The following SULF2 variants were observed in gnomAD, a reference collection of about 807,000 sequenced individuals.
SULF2 encodes the protein sulfatase 2, also known as extracellular sulfatase Sulf-2.
A neutral mutation model predicts 107.7 loss-of-function variants in SULF2; 52 were observed. The ratio of observed to expected loss-of-function variants is 0.48; its 90% CI spans 0.39 to 0.61. The LOEUF (loss-of-function observed/expected upper bound fraction) is 0.61, where lower values mean the gene tolerates loss of function less well. Ranked by LOEUF, SULF2 falls within the 20% of genes least tolerant of loss-of-function variation. The pLI is 0.00. For missense variants in SULF2, 993 were observed against 1,177.3 expected (o/e 0.84, Z 2.29); for synonymous variants, 460 against 464.3 (o/e 0.99, Z 0.12).
At position 47,658,237 on chromosome 20, in the gene SULF2, G is replaced by T. The variant is rs1258401957; in HGVS notation, c.*125C>A. On this transcript the variant is annotated 3_prime_UTR_variant, in exon 21 of 21. Coordinates refer to ENST00000688720, the MANE Select transcript of SULF2 (RefSeq NM_001387048.1). The stretch of plus-strand genomic sequence containing the variant: ...AATCTGTCATGTTGACTGAGAGTGC[G>T]TGCTTGCTTTCTCAGGCCTCCTGGC... 4.2e-6 allele frequency: 4 copies of T among 942,482 alleles called. No homozygotes were observed. In the East Asian group the frequency reaches 9.6e-5, roughly 23 times the overall value. 58.4% of individuals were successfully genotyped at this position (942,482 alleles called of 1,614,324 possible). A position where few individuals can be genotyped will look rare whatever the true frequency, so the allele number is the denominator to read the frequency against.
intron 3 of SULF2, among the ~76,000 whole-genome samples, chr20:47,713,094 T>C (rs186671802): frequency 5.9e-5 from 9 of 152,226 alleles, no homozygotes; most frequent in Non-Finnish European, 1.0e-4. Flanking sequence ...TTATAGTGTC[T>C]GCAGCACAGT....
Position 47,666,092 on chromosome 20 carries a change from G to A in SULF2, c.1806-139C>T, listed in dbSNP as rs1205125303. 6.8e-6 allele frequency: 11 copies of A among 1,609,798 alleles called. No individual in the cohort carries two copies. Among genetic ancestry groups the A allele is most frequent in the South Asian group, 1.1e-5 (1 of 90,862 alleles). ...GACTTCCACCTGGACACTCACCGATGTGTCACTTTAATGGGGTTGGCGGCT... is the reference window on the plus strand; with the variant it reads ...GACTTCCACCTGGACACTCACCGATATGTCACTTTAATGGGGTTGGCGGCT... On this transcript the variant is annotated intron_variant, in intron 12 of 20. Transcript: ENST00000688720. This position sits in a 1 kb window ranked among gnomAD's most constrained non-coding sequence, Gnocchi z 5.4.
chr20:47,661,586 C>A, intron 18 of SULF2, 187 bp downstream of exon 18: 1 of 458,364 alleles, frequency 2.2e-6, no homozygotes, highest in East Asian at 3.5e-5. Flanking sequence ...GTTCCTCTCT[C>A]AGGAATCACA....
At position 47,666,617 on chromosome 20, in the gene SULF2, A is replaced by AGGGGTCGTGGAATCTACCC; in HGVS notation, c.1577-148_1577-130dup. The AGGGGTCGTGGAATCTACCC allele has an allele frequency of 1.4e-6, 1 of 736,290 alleles. No homozygotes were observed. Among genetic ancestry groups the AGGGGTCGTGGAATCTACCC allele is most frequent in the Non-Finnish European group, 2.2e-6 (1 of 450,842 alleles). The allele number at this position is 736,290 out of a possible 1,614,324, so 45.6% of individuals were successfully genotyped here. On this transcript the variant is annotated intron_variant, in intron 11 of 20. Coordinates refer to ENST00000688720, the MANE Select transcript of SULF2 (RefSeq NM_001387048.1). The surrounding 1 kb of genome is among the most constrained non-coding windows in gnomAD (Gnocchi z 5.4). ...GAGGCTCAGCTTTGCCTGCGACTCG[A>AGGGGTCGTGGAATCTACCC]GGGGTCGTGGAATCTACCCGCCTGC...
intron 3 of SULF2, among the ~76,000 whole-genome samples, chr20:47,708,562 A>AT (rs1294046110): frequency 2.6e-5 from 4 of 152,202 alleles, no homozygotes; most frequent in Non-Finnish European, 5.9e-5. Flanking sequence ...ATCACAAGTC[A>AT]TTTAAGAAGC....
At position 47,665,904 on chromosome 20, in the gene SULF2, T is replaced by G. The variant is rs1409120262; in HGVS notation, c.1855A>C (p.Lys619Gln). The change falls in exon 13 of 21, where the codon AAG becomes CAG. Residue 619 changes from lysine (K) to glutamine (Q), a missense_variant. Lys to Gln is a moderately conservative substitution (Grantham distance 53, BLOSUM62 1). Transcript: ENST00000688720. ...TGGTCTTTCCAGGCCTGCAGGGACTTGTACAGGTCCAGGTCACACTGGACT... is the reference window on the plus strand; with the variant it reads ...TGGTCTTTCCAGGCCTGCAGGGACTGGTACAGGTCCAGGTCACACTGGACT... ...DTVQCDLDLY[K>Q]SLQAWKDHKL... 6.2e-7 allele frequency: 1 copy of G among 1,613,964 alleles called. No homozygotes were observed. The highest frequency in any genetic ancestry group is 8.5e-7 in the Non-Finnish European group (1 of 1,180,028).
chr20:47,702,015 C>G (rs1244737239), intron 4 of SULF2, among the ~76,000 whole-genome samples: 6 of 152,168 alleles, frequency 3.9e-5, no homozygotes, highest in Non-Finnish European at 8.8e-5. Flanking sequence ...GTTAAAAAAC[C>G]AAACTCTTGG....
chr20:47,702,857 A>G (rs753521211), intron 3 of SULF2, among the ~76,000 whole-genome samples, 187 bp from the exon 4 acceptor site: 1 of 152,238 alleles, frequency 6.6e-6, no homozygotes, highest in Non-Finnish European at 1.5e-5. Flanking sequence ...TTACAGAGAA[A>G]ATCAATTGTT....
intron 3 of SULF2, among the ~76,000 whole-genome samples, chr20:47,723,292 G>C (rs1403451829): frequency 6.6e-6 from 1 of 151,946 alleles, no homozygotes; most frequent in East Asian, 1.9e-4. Context: ...ATAATTTCAA[G>C]GGGGCGAGAA....
intron 1 of SULF2, among the ~76,000 whole-genome samples, chr20:47,763,310 G>T (rs2090455064): frequency 7.1e-6 from 1 of 140,646 alleles, no homozygotes; most frequent in Admixed American, 6.9e-5. Flanking sequence ...CAATTTCTCT[G>T]CCGATCTGCC....
At chr20:47,722,093 C>T (rs1340941340) in intron 3 of SULF2, among the ~76,000 whole-genome samples, 1 of 152,190 alleles carries the variant, frequency 6.6e-6, no homozygotes, top group East Asian at 1.9e-4. Flanking sequence ...ACGCAAGAAG[C>T]AGAAAGACAG....
At chr20:47,749,223 C>T (rs2090110971) in intron 2 of SULF2, among the ~76,000 whole-genome samples, 1 of 152,178 alleles carries the variant, frequency 6.6e-6, no homozygotes, top group Non-Finnish European at 1.5e-5. Context: ...CCTAGACTGC[C>T]TACCTCCAGA....
rs747118908 is a variant in SULF2 at position 47,754,964 on chromosome 20, G to C, written c.175+2225C>G. Among the ~76,000 whole-genome samples the C allele has an allele frequency of 2.4e-4, 36 of 152,158 alleles. 1 individual carries two copies. The highest frequency in any genetic ancestry group is 4.3e-4 in the Non-Finnish European group (29 of 68,036). On this transcript the variant is annotated intron_variant, in intron 2 of 20. Coordinates refer to ENST00000688720, the MANE Select transcript of SULF2 (RefSeq NM_001387048.1). ...GATCCTCCACCTCAGCCTCCCATTA[G>C]CTGCTACTACAGGTGTGTGCCACCA...
intron 3 of SULF2, among the ~76,000 whole-genome samples, chr20:47,711,420 G>A (rs2088924417): frequency 6.6e-6 from 1 of 152,212 alleles, no homozygotes; most frequent in South Asian, 2.1e-4. Flanking sequence ...CATGCGAAGG[G>A]TGAAACAGGA....
chr20:47,709,273 G>A (rs11696385), intron 3 of SULF2, among the ~76,000 whole-genome samples: 25,486 of 152,178 alleles, frequency 0.17, 2,259 homozygotes, highest in Admixed American at 0.23. Flanking sequence ...GGGCTGGCGT[G>A]GGGGTGGGAA....
At chr20:47,717,391 C>A (rs1407917074) in intron 3 of SULF2, among the ~76,000 whole-genome samples, 1 of 152,182 alleles carries the variant, frequency 6.6e-6, no homozygotes. Flanking sequence ...TCTCCACCTG[C>A]CTTTTGGTGA....
chr20:47,721,820 C>G (rs1027244253), intron 3 of SULF2, among the ~76,000 whole-genome samples: 1 of 152,198 alleles, frequency 6.6e-6, no homozygotes, highest in East Asian at 1.9e-4. Context: ...GAGGCTCTTT[C>G]TAGCTCTGAA....
intron 2 of SULF2, among the ~76,000 whole-genome samples, chr20:47,749,200 C>G (rs2090110363): frequency 1.3e-5 from 2 of 152,160 alleles, no homozygotes; most frequent in East Asian, 1.9e-4. Context: ...AACCTTGAAG[C>G]CACCAAGCCA....
At chr20:47,760,696 G>A (rs889076892) in intron 1 of SULF2, among the ~76,000 whole-genome samples, 1 of 152,214 alleles carries the variant, frequency 6.6e-6, no homozygotes, top group African/African-American at 2.4e-5. Context: ...CTGGGAGCAG[G>A]AAGCAGGCTC....
Sources: gnomAD v4.1 joint callset for allele counts (sites outside exome capture counted in the v4.1 genomes callset) on GRCh38, gnomAD v4.1.1 for gene constraint, Gnocchi (gnomAD v3.1) non-coding constraint, MANE v1.5 for transcripts, NCBI Gene and HGNC (gene_info 2026-07-23, HGNC 2026-07-21) for gene names.